The following ZNF827 variants were observed in gnomAD, a reference collection of about 807,000 sequenced individuals.
ZNF827 encodes the protein zinc finger protein 827.
ZNF827 carries 13 observed loss-of-function variants against 102.4 expected under a neutral mutation model. That is an observed-to-expected ratio of 0.13 (90% CI 0.08 to 0.20). ZNF827 has a LOEUF of 0.20. Ranked by LOEUF, ZNF827 falls within the 10% of genes least tolerant of loss-of-function variation. ZNF827 has a pLI of 1.00. For missense variants in ZNF827, 1,103 were observed against 1,344.4 expected, an observed-to-expected ratio of 0.82 and a Z score of 2.81; for synonymous variants, 523 against 536.2, an observed-to-expected ratio of 0.98 and a Z score of 0.34.
chr4:145,770,577 T>C (rs566903076), intron 11 of ZNF827, among the ~76,000 whole-genome samples: 12 of 151,656 alleles, frequency 7.9e-5, no homozygotes, highest in African/African-American at 2.9e-4. Context: ...TATTATTCTA[T>C]TATAAAACAT....
Position 145,858,641 on chromosome 4 carries a change from CAA to C in ZNF827, c.1982-9082_1982-9081del, listed in dbSNP as rs57745840. Among the ~76,000 whole-genome samples the C allele has an allele frequency of 5.5e-3, 512 of 92,982 alleles. 3 individuals carry two copies. The highest frequency in any genetic ancestry group is 0.017 in the African/African-American group (444 of 26,572). The allele number at this position is 92,982 out of a possible 152,430, so 61.0% of individuals were successfully genotyped here. A position where few individuals can be genotyped will look rare whatever the true frequency, so the allele number is the denominator to read the frequency against. On this transcript the variant is annotated intron_variant, in intron 5 of 14. Transcript: ENST00000508784. Reference sequence around the variant, plus strand: ...TGGGTGACACAGAGAGACCCTGTCTCAAAAAAAAAAAAAAAAGGAAAAATGAT... The same window carrying C: ...TGGGTGACACAGAGAGACCCTGTCTCAAAAAAAAAAAAAAGGAAAAATGAT...
At position 145,761,875 on chromosome 4, in the gene ZNF827, G is replaced by C. The variant is rs1319739053; in HGVS notation, c.*18-277C>G. Among the ~76,000 whole-genome samples the C allele has an allele frequency of 6.6e-6, 1 of 152,172 alleles. No homozygotes were observed. Among genetic ancestry groups the C allele is most frequent in the Non-Finnish European group, 1.5e-5 (1 of 68,038 alleles). On this transcript the variant is annotated intron_variant, in intron 14 of 14. Coordinates refer to ENST00000508784, the MANE Select transcript of ZNF827 (RefSeq NM_001306215.2). The surrounding 1 kb of genome is among the most constrained non-coding windows in gnomAD (Gnocchi z 6.8). ...ACAGGCAAGGCCAGCCCTCACCAAGGGGAGCAGAGAAAGTGCCAGGAATCA... is the reference window on the plus strand; with the variant it reads ...ACAGGCAAGGCCAGCCCTCACCAAGCGGAGCAGAGAAAGTGCCAGGAATCA...
At chr4:145,935,606 G>C (rs1424668633) in intron 1 of ZNF827, among the ~76,000 whole-genome samples, 1 of 152,212 alleles carries the variant, frequency 6.6e-6, no homozygotes, top group East Asian at 1.9e-4. Flanking sequence ...TGTTTCCAAA[G>C]GTAATTGCTT....
intron 1 of ZNF827, among the ~76,000 whole-genome samples, chr4:145,910,759 G>C (rs1752225889): frequency 6.6e-6 from 1 of 152,020 alleles, no homozygotes; most frequent in Non-Finnish European, 1.5e-5. Context: ...TCATCTCCTT[G>C]TGACCTCCTC....
At chr4:145,898,722 T>C (rs1470021885) in intron 2 of ZNF827, among the ~76,000 whole-genome samples, 1 of 152,140 alleles carries the variant, frequency 6.6e-6, no homozygotes, top group Non-Finnish European at 1.5e-5. Flanking sequence ...TATCGAGTGG[T>C]GGACTCTTAA....
At chr4:145,827,147 G>C (rs560625380) in intron 7 of ZNF827, among the ~76,000 whole-genome samples, 14 of 152,306 alleles carry the variant, frequency 9.2e-5, no homozygotes, top group African/African-American at 3.4e-4. Flanking sequence ...AAAGAAGTTA[G>C]GTAGTTGCCC....
chr4:145,763,108 C>T lies in ZNF827; in HGVS notation c.3245G>A (p.Ter1082=). 1 of 1,536,120 alleles carries T rather than the reference C, an allele frequency of 6.5e-7. No individual in the cohort carries two copies. Among genetic ancestry groups the T allele is most frequent in the South Asian group, 1.2e-5 (1 of 84,060 alleles). Residue 1082 remains the stop codon, a stop_retained_variant, in exon 14 of 15, where the codon TGA becomes TAA. Transcript: ENST00000508784. This position sits in a 1 kb window ranked among gnomAD's most constrained non-coding sequence, Gnocchi z 4.6. ...PTGGLNSGQW[*] ...GCCTTACCTAGAGGAGTCTGAAACTCACCACTGTCCTGAGCTACGGCAAAA... is the reference window on the plus strand; with the variant it reads ...GCCTTACCTAGAGGAGTCTGAAACTTACCACTGTCCTGAGCTACGGCAAAA...
intron 5 of ZNF827, among the ~76,000 whole-genome samples, chr4:145,865,953 T>C (rs566726181): frequency 6.6e-6 from 1 of 152,320 alleles, no homozygotes; most frequent in South Asian, 2.1e-4. Context: ...GCTATTCTTT[T>C]GAGCAAAACA....
intron 1 of ZNF827, among the ~76,000 whole-genome samples, chr4:145,936,610 G>A (rs890205003): frequency 3.3e-5 from 5 of 152,120 alleles, no homozygotes; most frequent in Non-Finnish European, 7.4e-5. Context: ...AGGCGCGGGG[G>A]CGCCTGGCCC....
chr4:145,937,442 T>C (rs1316679006), intron 1 of ZNF827, among the ~76,000 whole-genome samples: 1 of 151,258 alleles, frequency 6.6e-6, no homozygotes, highest in Non-Finnish European at 1.5e-5. Flanking sequence ...TGCTCCTCCC[T>C]CTCCTCCGCT....
Position 145,762,465 on chromosome 4 carries a change from C to G in ZNF827, c.*17+625G>C, listed in dbSNP as rs961459023. Among the ~76,000 whole-genome samples, 1 of 152,224 alleles carries G rather than the reference C, an allele frequency of 6.6e-6. No individual in the cohort carries two copies. The highest frequency in any genetic ancestry group is 2.4e-5 in the African/African-American group (1 of 41,448). On this transcript the variant is annotated intron_variant, in intron 14 of 14. Coordinates refer to ENST00000508784, the MANE Select transcript of ZNF827 (RefSeq NM_001306215.2). The surrounding 1 kb of genome is among the most constrained non-coding windows in gnomAD (Gnocchi z 4.9). ...GGCAGGACCATATCTTACATTTCCT[C>G]TGCATTCTCTGCAGTGCTTGGTAGA...
At chr4:145,875,015 G>C (rs1314279809) in intron 4 of ZNF827, among the ~76,000 whole-genome samples, 4 of 152,192 alleles carry the variant, frequency 2.6e-5, no homozygotes, top group Non-Finnish European at 5.9e-5. Flanking sequence ...GAATGGGAAA[G>C]CTGCTGGGAT....
intron 2 of ZNF827, among the ~76,000 whole-genome samples, chr4:145,896,906 A>C (rs1751017077): frequency 6.6e-6 from 1 of 152,220 alleles, no homozygotes; most frequent in South Asian, 2.1e-4. Flanking sequence ...GGGAGGTTTG[A>C]TAGTGAATTT....
At chr4:145,778,698 T>C (rs1304728904) in intron 9 of ZNF827, among the ~76,000 whole-genome samples, 1 of 152,230 alleles carries the variant, frequency 6.6e-6, no homozygotes, top group East Asian at 1.9e-4. Flanking sequence ...GAAATCTTTA[T>C]TTTGAACTTT....
chr4:145,851,142 T>C (rs1746488817), intron 5 of ZNF827, among the ~76,000 whole-genome samples: 1 of 152,206 alleles, frequency 6.6e-6, no homozygotes. Context: ...CTAGAGCCTC[T>C]GGAAGGAGTG....
intron 7 of ZNF827, among the ~76,000 whole-genome samples, chr4:145,827,201 T>G (rs1198180882): frequency 1.3e-5 from 2 of 152,178 alleles, no homozygotes; most frequent in Non-Finnish European, 2.9e-5. Flanking sequence ...CTGCACTCTT[T>G]CCCGCTCAGC....
intron 1 of ZNF827, among the ~76,000 whole-genome samples, chr4:145,923,421 G>A (rs1000222545): frequency 2.7e-5 from 4 of 150,220 alleles, no homozygotes; most frequent in South Asian, 2.1e-4. Context: ...CCTGGCCAAC[G>A]TGGTGAGAAC....
At chr4:145,878,555 G>A (rs72725703) in intron 4 of ZNF827, among the ~76,000 whole-genome samples, 11 of 135,790 alleles carry the variant, frequency 8.1e-5, no homozygotes, top group Admixed American at 2.3e-4. Context: ...AGAAAAAAAA[G>A]ACAAGACAGG....
At chr4:145,913,742 A>G (rs1032697655) in intron 1 of ZNF827, among the ~76,000 whole-genome samples, 8 of 152,206 alleles carry the variant, frequency 5.3e-5, no homozygotes, top group African/African-American at 1.2e-4. Context: ...CATGGCTACC[A>G]CATCGTTATC....
Sources: gnomAD v4.1 joint callset for allele counts (sites outside exome capture counted in the v4.1 genomes callset) on GRCh38, gnomAD v4.1.1 for gene constraint, Gnocchi (gnomAD v3.1) non-coding constraint, MANE v1.5 for transcripts, NCBI Gene and HGNC (gene_info 2026-07-23, HGNC 2026-07-21) for gene names.